The following LTBP1 variants were observed in gnomAD, a reference collection of about 807,000 sequenced individuals.
LTBP1 encodes latent-transforming growth factor beta-binding protein 1.
In LTBP1, 129 loss-of-function variants were observed where a neutral mutation model predicts 207.6. The ratio of observed to expected loss-of-function variants is 0.62; its 90% CI spans 0.54 to 0.72. The LOEUF (loss-of-function observed/expected upper bound fraction) is 0.72. Ranked by LOEUF, LTBP1 falls within the 30% of genes least tolerant of loss-of-function variation. The pLI is 0.00. For synonymous variants in LTBP1, 963 were observed against 833.7 expected (o/e 1.16, Z -2.67); for missense variants, 2,281 against 2,217.2 (o/e 1.03, Z -0.58).
chr2:32,991,260 A>G (rs1321147679), intron 2 of LTBP1, among the ~76,000 whole-genome samples: 2 of 152,270 alleles, frequency 1.3e-5, no homozygotes, highest in Non-Finnish European at 2.9e-5. Context: ...CATTTTAAAA[A>G]TGGATCTTAG....
At chr2:33,259,764 A>C (rs2092961394) in intron 13 of LTBP1, among the ~76,000 whole-genome samples, 154 bp downstream of exon 13, 5 of 152,168 alleles carry the variant, frequency 3.3e-5, no homozygotes, top group Non-Finnish European at 5.9e-5. Flanking sequence ...TTCCAAAAAA[A>C]TTTATTGAGC....
intron 5 of LTBP1, among the ~76,000 whole-genome samples, chr2:33,151,218 A>G (rs1020177980): frequency 6.6e-5 from 10 of 152,152 alleles, no homozygotes; most frequent in Admixed American, 4.6e-4. Flanking sequence ...GCCCTGATGT[A>G]TAAGTATCTG....
intron 4 of LTBP1, among the ~76,000 whole-genome samples, chr2:33,122,296 G>T (rs1261623509): frequency 2.0e-5 from 3 of 152,178 alleles, no homozygotes; most frequent in African/African-American, 4.8e-5. Context: ...TACCATTTCA[G>T]CAGGGCAGAT....
intron 24 of LTBP1, among the ~76,000 whole-genome samples, chr2:33,319,522 G>A (rs1298151277): frequency 6.6e-6 from 1 of 152,098 alleles, no homozygotes; most frequent in African/African-American, 2.4e-5. Context: ...GATTCCTAGG[G>A]GTCACCACGT....
At chr2:33,319,922 A>G (rs2094329188) in intron 24 of LTBP1, among the ~76,000 whole-genome samples, 1 of 152,180 alleles carries the variant, frequency 6.6e-6, no homozygotes, top group African/African-American at 2.4e-5. Context: ...TTTAGAAAGC[A>G]TCCTCATTCA....
At chr2:33,024,696 A>G (rs551116322) in intron 3 of LTBP1, among the ~76,000 whole-genome samples, 1 of 152,194 alleles carries the variant, frequency 6.6e-6, no homozygotes, top group Non-Finnish European at 1.5e-5. Flanking sequence ...TGTCTGTGAA[A>G]AGATGGTTGG....
At chr2:33,184,621 G>A (rs10167399) in intron 5 of LTBP1, among the ~76,000 whole-genome samples, 11,899 of 152,010 alleles carry the variant, frequency 0.078, 999 homozygotes, top group African/African-American at 0.21. Flanking sequence ...TCCAGTTACC[G>A]CTTATTTGCT....
At position 33,254,862 on chromosome 2, in the gene LTBP1, T is replaced by TG. The variant is rs1558893337; in HGVS notation, c.2167+2018_2167+2019insG. On this transcript the variant is annotated intron_variant, in intron 11 of 33. Transcript: ENST00000404816. ...AACATGCGGTGTTTGGTTTTTTTTT[T>TG]TTTTTTTTTTTTTTTTTTTTTGTAT... Among the ~76,000 whole-genome samples, 108 of 101,730 alleles carry TG rather than the reference T, an allele frequency of 1.1e-3. 1 individual carries two copies. The highest frequency in any genetic ancestry group is 1.8e-3 in the Non-Finnish European group (93 of 50,814). 66.7% of individuals were successfully genotyped at this position (101,730 alleles called of 152,430 possible).
chr2:33,125,562 G>T (rs760173177), intron 4 of LTBP1, among the ~76,000 whole-genome samples: 28 of 152,084 alleles, frequency 1.8e-4, no homozygotes, highest in Non-Finnish European at 4.0e-4. Context: ...GCCGGGCACG[G>T]TGGCTCACGC....
At chr2:33,251,271 G>A (rs974849372) in intron 10 of LTBP1, among the ~76,000 whole-genome samples, 1 of 152,006 alleles carries the variant, frequency 6.6e-6, no homozygotes, top group Non-Finnish European at 1.5e-5. Flanking sequence ...ATCTTATGGA[G>A]ACTACACTAC....
chr2:33,005,612 T>C (rs56004310), intron 2 of LTBP1, among the ~76,000 whole-genome samples: 1 of 122,618 alleles, frequency 8.2e-6, no homozygotes, highest in African/African-American at 2.7e-5. Flanking sequence ...TTTTTTTTTT[T>C]TTGAGACAGT....
At chr2:33,363,821 A>G (rs1389072071) in intron 29 of LTBP1, among the ~76,000 whole-genome samples, 2 of 152,240 alleles carry the variant, frequency 1.3e-5, no homozygotes, top group Non-Finnish European at 2.9e-5. Flanking sequence ...CATCACTCAT[A>G]CCGTGCAAGT....
At chr2:32,995,383 G>C (rs1685096981) in intron 2 of LTBP1, among the ~76,000 whole-genome samples, 1 of 152,168 alleles carries the variant, frequency 6.6e-6, no homozygotes, top group South Asian at 2.1e-4. Flanking sequence ...CACGTGTCCA[G>C]GTGATGCTGT....
chr2:33,133,303 C>G (rs1475079142), intron 4 of LTBP1, among the ~76,000 whole-genome samples: 1 of 152,110 alleles, frequency 6.6e-6, no homozygotes. Flanking sequence ...TAAAGAGAGA[C>G]AAGCTTTTCT....
chr2:33,271,249 C>T (rs1197403164), intron 15 of LTBP1, among the ~76,000 whole-genome samples: 1 of 151,996 alleles, frequency 6.6e-6, no homozygotes, highest in Non-Finnish European at 1.5e-5. Context: ...GATTTATAGC[C>T]TCTTAATTTG....
At chr2:33,267,361 G>A (rs2093209551) in intron 15 of LTBP1, among the ~76,000 whole-genome samples, 1 of 152,188 alleles carries the variant, frequency 6.6e-6, no homozygotes, top group African/African-American at 2.4e-5. Flanking sequence ...AGCAAAACTT[G>A]GGCAAAGATG....
intron 33 of LTBP1, 133 bp from the exon 34 acceptor site, chr2:33,398,231 G>T (rs1473896661): frequency 1.3e-5 from 9 of 718,170 alleles, no homozygotes; most frequent in African/African-American, 3.6e-5. Context: ...TCTTCGTCTT[G>T]TCTGTGACTG....
Position 33,025,022 on chromosome 2 carries a change from CCTCT to C in LTBP1, c.863+3819_863+3822del, listed in dbSNP as rs199687584. ...TGGCTGTTGGCAGAAAGCTTCACTT[CCTCT>C]CTATGTGGACCTCTCTGTAGAGCAG... On this transcript the variant is annotated intron_variant, in intron 3 of 33. Transcript: ENST00000404816. 1.4e-3 allele frequency among the ~76,000 whole-genome samples: 215 copies of C among 152,308 alleles called. 1 individual carries two copies. The highest frequency in any genetic ancestry group is 8.5e-3 in the East Asian group (44 of 5,174).
rs556396202 is a variant in LTBP1 at position 33,171,597 on chromosome 2, A to C, written c.1202-15259A>C. On this transcript the variant is annotated intron_variant, in intron 5 of 33. Transcript: ENST00000404816. Reference sequence around the variant, plus strand: ...GAAAACACTCTGCAGGATATTATCCAGGAGAACTTCCCCAATCTAGCAAGG... The same window carrying C: ...GAAAACACTCTGCAGGATATTATCCCGGAGAACTTCCCCAATCTAGCAAGG... 4.7e-3 allele frequency among the ~76,000 whole-genome samples: 717 copies of C among 151,586 alleles called. 4 individuals are homozygous for C. Among genetic ancestry groups the C allele is most frequent in the Middle Eastern group, 0.014 (4 of 292 alleles).
Sources: allele counts gnomAD v4.1 joint callset (sites outside exome capture counted in the v4.1 genomes callset), GRCh38; gene constraint gnomAD v4.1.1; transcripts MANE v1.5; gene names NCBI Gene and HGNC (gene_info 2026-07-23, HGNC 2026-07-21).